The following WDR70 variants were observed in gnomAD, a reference collection of about 807,000 sequenced individuals.
The protein encoded by WDR70 is WD repeat domain 70, also known as WD repeat-containing protein 70.
In WDR70, 53 loss-of-function variants were observed where a neutral mutation model predicts 88.6. The observed-to-expected ratio is 0.60, with a 90% CI of 0.48 to 0.75. The LOEUF (loss-of-function observed/expected upper bound fraction) is 0.75, where lower values mean the gene tolerates loss of function less well. WDR70 is among the 30% of genes least tolerant of loss of function. The pLI, the probability that WDR70 is intolerant of heterozygous loss-of-function variation, is 0.00. For missense variants in WDR70, 610 were observed against 823.2 expected (o/e 0.74, Z 3.17); for synonymous variants, 280 against 270.0 (o/e 1.04, Z -0.36).
At chr5:37,507,961 TA>T (rs1253654053) in intron 8 of WDR70, among the ~76,000 whole-genome samples, 1 of 152,206 alleles carries the variant, frequency 6.6e-6, no homozygotes, top group Non-Finnish European at 1.5e-5. Flanking sequence ...GAATGCCTTT[TA>T]TTTTTTTTCT....
At chr5:37,397,788 A>G (rs1020032502) in intron 5 of WDR70, among the ~76,000 whole-genome samples, 1 of 152,048 alleles carries the variant, frequency 6.6e-6, no homozygotes, top group Non-Finnish European at 1.5e-5. Flanking sequence ...AGGTCAAGAG[A>G]TTGAGACCAT....
chr5:37,540,600 T>C (rs906485476), intron 9 of WDR70, among the ~76,000 whole-genome samples: 1 of 152,234 alleles, frequency 6.6e-6, no homozygotes, highest in Admixed American at 6.5e-5. Flanking sequence ...CAGCATGGTC[T>C]TGATCTCTTG....
chr5:37,613,783 AT>A (rs55939420), intron 10 of WDR70, among the ~76,000 whole-genome samples: 70,914 of 151,926 alleles, frequency 0.47, 18,044 homozygotes, highest in Non-Finnish European at 0.58. Flanking sequence ...ACTCTATGAT[AT>A]AAATGCTGTC....
intron 10 of WDR70, among the ~76,000 whole-genome samples, chr5:37,645,170 T>C (rs1745200124): frequency 6.6e-6 from 1 of 152,006 alleles, no homozygotes. Context: ...TGGCATGTTA[T>C]ATTTCTGGTA....
At chr5:37,736,156 G>A (rs537881594) in intron 17 of WDR70, among the ~76,000 whole-genome samples, 1 of 152,208 alleles carries the variant, frequency 6.6e-6, no homozygotes, top group East Asian at 1.9e-4. Flanking sequence ...AAAGCTATTA[G>A]CTTACACATC....
In WDR70 at chr5:37,605,108, G is replaced by A; in HGVS notation, c.962G>A (p.Ser321Asn). The A allele has an allele frequency of 1.9e-6, 3 of 1,611,748 alleles. No individual in the cohort carries two copies. Among genetic ancestry groups the A allele is most frequent in the Non-Finnish European group, 1.7e-6 (2 of 1,178,918 alleles). The change falls in exon 10 of 18, where the codon AGT becomes AAT. Residue 321 changes from serine (S) to asparagine (N), a missense_variant. Transcript: ENST00000265107. ...GTTGAAAATCCAAAGAAGCAAAAAAGTGTGTTTAAACCACGGACGATGCAA... is the reference window on the plus strand; with the variant it reads ...GTTGAAAATCCAAAGAAGCAAAAAAATGTGTTTAAACCACGGACGATGCAA... ...WEVENPKKQK[S>N]VFKPRTMQGK... is the part of the protein sequence containing the mutation.
chr5:37,554,772 T>C (rs758877595), intron 9 of WDR70, among the ~76,000 whole-genome samples: 2 of 151,842 alleles, frequency 1.3e-5, no homozygotes, highest in Non-Finnish European at 2.9e-5. Flanking sequence ...ACAGGTGTAA[T>C]CATAGTGCAC....
intron 13 of WDR70, among the ~76,000 whole-genome samples, chr5:37,711,013 G>A (rs1269943575): frequency 6.6e-6 from 1 of 152,046 alleles, no homozygotes; most frequent in African/African-American, 2.4e-5. Flanking sequence ...CATTCAGAGG[G>A]AGAGACTGAA....
chr5:37,466,290 A>G (rs1192133518), intron 7 of WDR70, among the ~76,000 whole-genome samples: 57 of 152,296 alleles, frequency 3.7e-4, no homozygotes, highest in Admixed American at 3.1e-3. Context: ...CATCTATATT[A>G]TGAGGCAGTA....
intron 8 of WDR70, among the ~76,000 whole-genome samples, chr5:37,483,023 C>A (rs986997828): frequency 6.7e-6 from 1 of 148,400 alleles, no homozygotes; most frequent in African/African-American, 2.5e-5. Context: ...CCACTAGCCA[C>A]TGAACTCCAG....
intron 7 of WDR70, among the ~76,000 whole-genome samples, chr5:37,465,063 T>A (rs1362061869): frequency 6.6e-6 from 1 of 152,224 alleles, no homozygotes; most frequent in Non-Finnish European, 1.5e-5. Flanking sequence ...GATGGACAAA[T>A]TTAAACACAA....
chr5:37,641,142 C>G (rs1745091829), intron 10 of WDR70, among the ~76,000 whole-genome samples: 1 of 152,228 alleles, frequency 6.6e-6, no homozygotes, highest in Non-Finnish European at 1.5e-5. Context: ...CACAATTTCA[C>G]TCTGTCACCC....
In WDR70 at chr5:37,609,890, T is replaced by C. The variant is rs540798774; in HGVS notation, c.1092+4652T>C. Among the ~76,000 whole-genome samples, 3 of 152,288 alleles carry C rather than the reference T, an allele frequency of 2.0e-5. No individual in the cohort carries two copies. The South Asian group carries it at 6.2e-4, about 32-fold the overall frequency. On this transcript the variant is annotated intron_variant, in intron 10 of 17. Coordinates refer to ENST00000265107, the MANE Select transcript of WDR70 (RefSeq NM_018034.4). ...AACAAATATGAAGAAAAAAGAAATA[T>C]CCAGCACACAGCAAATCTTTAAATG...
At chr5:37,542,387 C>G (rs1046156934) in intron 9 of WDR70, among the ~76,000 whole-genome samples, 5 of 151,518 alleles carry the variant, frequency 3.3e-5, no homozygotes, top group African/African-American at 1.2e-4. Context: ...TCAAGCAGTT[C>G]TCCTGCCTCA....
At chr5:37,509,433 C>CT (rs1296111012) in intron 8 of WDR70, among the ~76,000 whole-genome samples, 1 of 120,350 alleles carries the variant, frequency 8.3e-6, no homozygotes, top group African/African-American at 2.5e-5. Flanking sequence ...TAGAAACATA[C>CT]TTTAAAAAAA....
At chr5:37,553,817 T>A (rs1318459984) in intron 9 of WDR70, among the ~76,000 whole-genome samples, 2 of 152,234 alleles carry the variant, frequency 1.3e-5, no homozygotes, top group Admixed American at 6.5e-5. Flanking sequence ...TGTGTGACTT[T>A]TGGCAAGTTA....
chr5:37,563,477 G>C (rs1229976745), intron 9 of WDR70, among the ~76,000 whole-genome samples: 2 of 59,132 alleles, frequency 3.4e-5, no homozygotes, highest in East Asian at 4.4e-4. Context: ...CGGGCAGAGG[G>C]GCTCCTCACT....
At chr5:37,702,886 T>G (rs1747205253) in intron 12 of WDR70, 63 bp from the exon 13 acceptor site, 4 of 1,499,514 alleles carry the variant, frequency 2.7e-6, no homozygotes, top group Non-Finnish European at 3.6e-6. Flanking sequence ...TTTAATTCAC[T>G]AATGATTGCT....
At chr5:37,560,352 CCA>C (rs1273379345) in intron 9 of WDR70, among the ~76,000 whole-genome samples, 1 of 151,898 alleles carries the variant, frequency 6.6e-6, no homozygotes, top group Non-Finnish European at 1.5e-5. Context: ...ACCTGTTGGT[CCA>C]TATGTTTTCT....
Sources: allele counts gnomAD v4.1 joint callset (sites outside exome capture counted in the v4.1 genomes callset), GRCh38; gene constraint gnomAD v4.1.1; transcripts MANE v1.5; gene names NCBI Gene and HGNC (gene_info 2026-07-23, HGNC 2026-07-21).